The following TLL1 variants were observed in gnomAD, a reference collection of about 807,000 sequenced individuals.
TLL1 encodes tolloid-like protein 1.
Under a neutral mutation model 128.2 loss-of-function variants are expected in TLL1, and 49 were observed. The ratio of observed to expected loss-of-function variants is 0.38; its 90% CI spans 0.30 to 0.48. The LOEUF (loss-of-function observed/expected upper bound fraction) is 0.48. Ranked by LOEUF, TLL1 falls within the 20% of genes least tolerant of loss-of-function variation. TLL1 has a pLI of 0.96. For missense variants in TLL1, 1,123 were observed against 1,242.0 expected (o/e 0.90, Z 1.44); for synonymous variants, 454 against 418.8 (o/e 1.08, Z -1.03).
chr4:165,906,647 T>C (rs968511411), intron 1 of TLL1, among the ~76,000 whole-genome samples: 1 of 152,158 alleles, frequency 6.6e-6, no homozygotes, highest in East Asian at 1.9e-4. Context: ...TTTAATTAAT[T>C]TGAGATTAAT....
intron 1 of TLL1, among the ~76,000 whole-genome samples, chr4:165,889,128 A>G (rs1731285799): frequency 6.6e-6 from 1 of 152,198 alleles, no homozygotes; most frequent in African/African-American, 2.4e-5. Flanking sequence ...CTAGTCTGTC[A>G]TTGTGACAGA....
At chr4:166,070,389 A>G (rs957490615) in intron 16 of TLL1, among the ~76,000 whole-genome samples, 3 of 151,958 alleles carry the variant, frequency 2.0e-5, no homozygotes, top group Non-Finnish European at 4.4e-5. Flanking sequence ...TAATTATAGC[A>G]TTTATTATTT....
At chr4:165,987,204 A>T (rs1486045079) in intron 1 of TLL1, among the ~76,000 whole-genome samples, 2 of 152,098 alleles carry the variant, frequency 1.3e-5, no homozygotes, top group African/African-American at 4.8e-5. Flanking sequence ...AGTCCCTGCC[A>T]GTGGATGATC....
In TLL1 at chr4:166,065,852, A is replaced by G. The variant is rs1560848117; in HGVS notation, c.2177A>G (p.His726Arg). ...GTATCCAAGAAGGGCTTCAAAGCAC[A>G]TTTTTTCTCAGGTATAAGCATTCAC... Reference protein sequence around the residue: ...NTVSKKGFKAHFFSDKDECSK... With the variant: ...NTVSKKGFKARFFSDKDECSK... Residue 726 changes from histidine (H) to arginine (R), a missense_variant, in exon 16 of 21, where the codon CAT becomes CGT. By Grantham distance (29) the His-to-Arg change is conservative (BLOSUM62 0). Around this residue, in one of 3 missense-constraint regions of TLL1, gnomAD observed 634 missense variants for 672.4 expected, o/e 0.94. Transcript: ENST00000061240. 6.2e-7 allele frequency: 1 copy of G among 1,612,302 alleles called. No homozygotes were observed. The highest frequency in any genetic ancestry group is 8.5e-7 in the Non-Finnish European group (1 of 1,178,924).
chr4:165,944,200 C>T (rs1244179358), intron 1 of TLL1, among the ~76,000 whole-genome samples: 1 of 152,058 alleles, frequency 6.6e-6, no homozygotes, highest in Admixed American at 6.6e-5. Context: ...CTCTTTTAAG[C>T]AACAGAGTCT....
chr4:165,928,111 C>T (rs1733355820), intron 1 of TLL1, among the ~76,000 whole-genome samples: 1 of 152,162 alleles, frequency 6.6e-6, no homozygotes, highest in African/African-American at 2.4e-5. Flanking sequence ...TTGGGCATGT[C>T]ACTTATGCTT....
chr4:165,951,780 T>C (rs1734532802), intron 1 of TLL1, among the ~76,000 whole-genome samples: 1 of 152,154 alleles, frequency 6.6e-6, no homozygotes, highest in Non-Finnish European at 1.5e-5. Context: ...AGTGAAGTTT[T>C]CCAGGCAATG....
At chr4:166,072,140 T>C (rs900960451) in intron 16 of TLL1, among the ~76,000 whole-genome samples, 1 of 152,008 alleles carries the variant, frequency 6.6e-6, no homozygotes, top group Non-Finnish European at 1.5e-5. Context: ...TTTTGATTAG[T>C]TCAGTTTTGA....
chr4:165,892,408 C>T (rs1731470073), intron 1 of TLL1, among the ~76,000 whole-genome samples: 1 of 152,174 alleles, frequency 6.6e-6, no homozygotes, highest in Non-Finnish European at 1.5e-5. Flanking sequence ...CCAAATTCCT[C>T]ATGTAAGAGG....
intron 12 of TLL1, among the ~76,000 whole-genome samples, chr4:166,047,254 T>C (rs1739496787): frequency 1.3e-5 from 2 of 151,560 alleles, no homozygotes. Flanking sequence ...AACCTCCACC[T>C]CCCAGGTTCA....
chr4:165,959,956 CG>C (rs1169963536), intron 1 of TLL1, among the ~76,000 whole-genome samples: 1 of 151,804 alleles, frequency 6.6e-6, no homozygotes, highest in Non-Finnish European at 1.5e-5. Context: ...CAAACTAACC[CG>C]AAAGGTAACA....
chr4:166,003,267 T>A, intron 5 of TLL1, 124 bp from the exon 6 acceptor site: 2 of 909,044 alleles, frequency 2.2e-6, no homozygotes, highest in Non-Finnish European at 3.6e-6. Flanking sequence ...TAATAAGAGG[T>A]TGTTCTGTTC....
At chr4:165,887,432 G>T (rs1409571479) in intron 1 of TLL1, among the ~76,000 whole-genome samples, 1 of 152,116 alleles carries the variant, frequency 6.6e-6, no homozygotes, top group Admixed American at 6.6e-5. Flanking sequence ...TAAAAGAAAA[G>T]AAAAGAAAAG....
rs140712464 is a variant in TLL1 at position 165,974,816 on chromosome 4, C to A, written c.170-14565C>A. 3.6e-3 allele frequency among the ~76,000 whole-genome samples: 555 copies of A among 152,308 alleles called. 1 individual carries two copies. Among genetic ancestry groups the A allele is most frequent in the South Asian group, 6.0e-3 (29 of 4,824 alleles). On this transcript the variant is annotated intron_variant, in intron 1 of 20. Coordinates refer to ENST00000061240, the MANE Select transcript of TLL1 (RefSeq NM_012464.5). Reference sequence around the variant, plus strand: ...GCTCCAAATCTCCATTGCCAAAATACCGTGGCAGTACCTGCTTATGTGGAC... The same window carrying A: ...GCTCCAAATCTCCATTGCCAAAATAACGTGGCAGTACCTGCTTATGTGGAC...
chr4:166,065,583 G>GT (rs1213678452), intron 15 of TLL1, 100 bp from the exon 16 acceptor site: 6 of 1,334,612 alleles, frequency 4.5e-6, no homozygotes, highest in Non-Finnish European at 6.3e-6. Flanking sequence ...TTTGACTACC[G>GT]TAAGAGTAAA....
intron 1 of TLL1, among the ~76,000 whole-genome samples, chr4:165,938,102 A>C (rs895369675): frequency 6.6e-6 from 1 of 151,834 alleles, no homozygotes; most frequent in African/African-American, 2.4e-5. Flanking sequence ...ACACAGTTTG[A>C]TATGTACTTT....
At position 166,104,438 on chromosome 4, in the gene TLL1, A is replaced by T. The variant is rs1011517108; in HGVS notation, c.*3562A>T. ...GCATGGGAGGAGGAGAGCAGAAAAT[A>T]TAATTGCCTTCTAAAGATATATAAT... On this transcript the variant is annotated 3_prime_UTR_variant, in exon 21 of 21. Transcript: ENST00000061240. 9.9e-5 allele frequency among the ~76,000 whole-genome samples: 15 copies of T among 151,952 alleles called. No homozygotes were observed. Among genetic ancestry groups the T allele is most frequent in the African/African-American group, 3.4e-4 (14 of 41,428 alleles).
intron 6 of TLL1, 142 bp downstream of exon 6, chr4:166,003,711 A>C: frequency 1.2e-6 from 1 of 848,150 alleles, no homozygotes; most frequent in Non-Finnish European, 1.9e-6. Context: ...ATTAAAAATC[A>C]CCCATGATGA....
intron 17 of TLL1, among the ~76,000 whole-genome samples, chr4:166,076,238 A>G (rs186312618): frequency 6.6e-6 from 1 of 152,072 alleles, no homozygotes; most frequent in East Asian, 1.9e-4. Context: ...ATGCCTGGCT[A>G]ATTTCTGTAT....
Sources: gnomAD v4.1 joint callset for allele counts (sites outside exome capture counted in the v4.1 genomes callset) on GRCh38, gnomAD v4.1.1 for gene constraint, gnomAD v4.1.1 regional missense constraint, MANE v1.5 for transcripts, NCBI Gene and HGNC (gene_info 2026-07-23, HGNC 2026-07-21) for gene names.